Variants in ZFHX3 observed in about 807,000 individuals in gnomAD.
ZFHX3 encodes the protein zinc finger homeobox 3.
Under a neutral mutation model 279.1 loss-of-function variants are expected in ZFHX3, and 42 were observed. The observed-to-expected ratio is 0.15, with a 90% CI of 0.12 to 0.19. The LOEUF is 0.19. ZFHX3 is among the 10% of genes least tolerant of loss of function. The probability of loss-of-function intolerance (pLI) is 1.00; values close to 1 mark genes in which losing one functional copy is unlikely to be tolerated. For missense variants in ZFHX3, 4,981 were observed against 4,754.0 expected (o/e 1.05, Z -1.40); for synonymous variants, 2,293 against 1,957.8 (o/e 1.17, Z -4.52).
chr16:72,815,210 C>A (rs559372336), intron 5 of ZFHX3, among the ~76,000 whole-genome samples: 38 of 152,206 alleles, frequency 2.5e-4, no homozygotes, highest in Admixed American at 2.4e-3. Context: ...GAGTTCAAGA[C>A]CAGCCTAGGC....
At chr16:73,104,282 G>A (rs1966267243) in intron 7 of ZFHX3, among the ~76,000 whole-genome samples, 1 of 151,880 alleles carries the variant, frequency 6.6e-6, no homozygotes, top group South Asian at 2.1e-4. Context: ...CCAGGCTGGA[G>A]TGCAGTAGCG....
intron 1 of ZFHX3, among the ~76,000 whole-genome samples, chr16:73,044,240 T>C (rs558682525): frequency 2.0e-5 from 3 of 152,290 alleles, no homozygotes; most frequent in South Asian, 2.1e-4. Flanking sequence ...ACCAGAGCAT[T>C]TGGATACCCC....
chr16:73,865,846 GT>G (rs1299400312), intron 1 of ZFHX3, among the ~76,000 whole-genome samples: 14 of 151,812 alleles, frequency 9.2e-5, no homozygotes, highest in Admixed American at 6.6e-4. Flanking sequence ...ATAGCCGGGT[GT>G]GGTGGCAGGC....
At chr16:73,457,129 C>A (rs2018385447) in intron 2 of ZFHX3, among the ~76,000 whole-genome samples, 1 of 152,210 alleles carries the variant, frequency 6.6e-6, no homozygotes, top group Non-Finnish European at 1.5e-5. Flanking sequence ...CTTCCCTTTC[C>A]TGCACCACCT....
chr16:72,972,320 G>A (rs945767504), intron 1 of ZFHX3, among the ~76,000 whole-genome samples: 8 of 152,072 alleles, frequency 5.3e-5, no homozygotes, highest in African/African-American at 7.2e-5. Flanking sequence ...ATAAGCTCCT[G>A]GACAGGAGAG....
intron 3 of ZFHX3, among the ~76,000 whole-genome samples, chr16:72,937,772 G>C (rs1159107877): frequency 6.6e-6 from 1 of 152,198 alleles, no homozygotes; most frequent in Non-Finnish European, 1.5e-5. Context: ...CTCACTTCCT[G>C]ACCTTCCTCC....
At chr16:73,622,704 G>A (rs77654319) in intron 2 of ZFHX3, among the ~76,000 whole-genome samples, 2,136 of 152,300 alleles carry the variant, frequency 0.014, 63 homozygotes, top group African/African-American at 0.049. Flanking sequence ...GGGCTTCCCA[G>A]TGACACTCTG....
chr16:73,028,420 A>C (rs1964586176), intron 1 of ZFHX3, among the ~76,000 whole-genome samples: 4 of 152,092 alleles, frequency 2.6e-5, no homozygotes, highest in Admixed American at 2.6e-4. Flanking sequence ...TCAGATCCCC[A>C]AGAAGAACAG....
chr16:72,955,548 G>A (rs1029159681), intron 2 of ZFHX3, among the ~76,000 whole-genome samples: 14 of 152,186 alleles, frequency 9.2e-5, no homozygotes, highest in Non-Finnish European at 1.6e-4. Flanking sequence ...GGAGGCCAAG[G>A]CGGGCAGATC....
chr16:72,855,303 C>CA (rs1423224176), intron 4 of ZFHX3, among the ~76,000 whole-genome samples: 2 of 152,334 alleles, frequency 1.3e-5, no homozygotes, highest in East Asian at 3.9e-4. Flanking sequence ...CAGGATCCCC[C>CA]AACGCTGGAG....
chr16:73,238,012 C>T (rs759794606), intron 5 of ZFHX3, among the ~76,000 whole-genome samples: 1 of 152,208 alleles, frequency 6.6e-6, no homozygotes, highest in Non-Finnish European at 1.5e-5. Context: ...AAGTCATTAA[C>T]AACCAATTCC....
intron 2 of ZFHX3, among the ~76,000 whole-genome samples, chr16:73,654,739 T>C (rs2052705623): frequency 6.6e-6 from 1 of 151,772 alleles, no homozygotes; most frequent in Non-Finnish European, 1.5e-5. Context: ...AGGCAAAAAA[T>C]TGATAAATGT....
At chr16:73,538,672 C>T (rs545504091) in intron 2 of ZFHX3, among the ~76,000 whole-genome samples, 3 of 152,286 alleles carry the variant, frequency 2.0e-5, no homozygotes, top group East Asian at 3.9e-4. Flanking sequence ...CTCACGTCTG[C>T]CACATGCCCA....
In ZFHX3 at chr16:73,663,151, G is replaced by A. The variant is rs534861197; in HGVS notation, c.-1547+17029C>T. ...TGATTTGTAGCGTCTTGACAGACAT[G>A]AGTTTGAGAAAACTGTTTGCATTTC... On this transcript the variant is annotated intron_variant, in intron 2 of 17. Coordinates refer to the ZFHX3 transcript ENST00000641206. Among the ~76,000 whole-genome samples, 3 of 152,348 alleles carry A rather than the reference G, an allele frequency of 2.0e-5. No individual in the cohort carries two copies. In the South Asian group the frequency reaches 6.2e-4, roughly 32 times the overall value.
intron 1 of ZFHX3, among the ~76,000 whole-genome samples, chr16:73,849,486 T>C (rs1567429809): frequency 6.6e-6 from 1 of 152,262 alleles, no homozygotes; most frequent in Non-Finnish European, 1.5e-5. Context: ...TATACAATTT[T>C]AAAAAAGGAT....
intron 1 of ZFHX3, among the ~76,000 whole-genome samples, chr16:73,720,582 G>A (rs945449747): frequency 2.0e-5 from 3 of 152,032 alleles, no homozygotes; most frequent in South Asian, 2.1e-4. Context: ...TTTATGGCAC[G>A]GCCTCAATTT....
rs949665075 is a variant in ZFHX3, at chr16:73,715,562, C to CTTTTT, written c.-1607-35327_-1607-35323dup. Among the ~76,000 whole-genome samples the CTTTTT allele has an allele frequency of 9.2e-4, 58 of 63,022 alleles. 13 individuals are homozygous for CTTTTT. The highest frequency in any genetic ancestry group is 4.1e-3 in the African/African-American group (55 of 13,574). 41.3% of individuals were successfully genotyped at this position (63,022 alleles called of 152,430 possible). On this transcript the variant is annotated intron_variant, in intron 1 of 17. Transcript: ENST00000641206. ...CAAGTTAGCAAGTACCACAGCTGGT[C>CTTTTT]TTTTTTTTTTTTTTTTTTTTTTTTT...
chr16:73,193,294 G>A (rs1036576761), intron 5 of ZFHX3, among the ~76,000 whole-genome samples: 1 of 152,202 alleles, frequency 6.6e-6, no homozygotes, highest in Non-Finnish European at 1.5e-5. Context: ...CTGGGCCTCA[G>A]TTTTCTAGCC....
At position 72,793,658 on chromosome 16, in the gene ZFHX3, C is replaced by T. The variant is rs1597235000; in HGVS notation, c.9024G>A (p.Met3008Ile). ...TTTGGTTTATACCAAAATGCTTGGC[C>T]ATGCTTAACTTGGACTTCTTTTCTT... ...RAKEKKSKLSMAKHFGINQTS... is the reference protein window; with the variant it reads ...RAKEKKSKLSIAKHFGINQTS... The change falls in exon 9 of 10, where the codon ATG becomes ATA. Residue 3008 changes from methionine to isoleucine, a missense_variant. Coordinates refer to ENST00000268489, the MANE Select transcript of ZFHX3 (RefSeq NM_006885.4). This position sits in a 1 kb window ranked among gnomAD's most constrained non-coding sequence, Gnocchi z 4.3. 1 of 1,614,112 alleles carries T rather than the reference C, an allele frequency of 6.2e-7. No homozygotes were observed. The highest frequency in any genetic ancestry group is 8.5e-7 in the Non-Finnish European group (1 of 1,180,020).
Sources: gnomAD v4.1 joint callset for allele counts (sites outside exome capture counted in the v4.1 genomes callset) on GRCh38, gnomAD v4.1.1 for gene constraint, Gnocchi (gnomAD v3.1) non-coding constraint, MANE v1.5 for transcripts, NCBI Gene and HGNC (gene_info 2026-07-23, HGNC 2026-07-21) for gene names.